Variants in UXS1 observed in about 807,000 individuals in gnomAD.
UXS1 encodes UDP-glucuronic acid decarboxylase 1.
UXS1 carries 33 observed loss-of-function variants against 62.6 expected under a neutral mutation model. The observed-to-expected ratio is 0.53, with a 90% confidence interval of 0.40 to 0.70. The LOEUF is 0.70. Among genes scored for constraint, UXS1 ranks in the 30% least tolerant of loss-of-function variants. The probability of loss-of-function intolerance (pLI) is 0.00; values close to 1 mark genes in which losing one functional copy is unlikely to be tolerated. For missense variants in UXS1, 434 were observed against 556.3 expected (o/e 0.78, Z 2.21); for synonymous variants, 213 against 206.8 (o/e 1.03, Z -0.26).
intron 11 of UXS1, among the ~76,000 whole-genome samples, chr2:106,103,610 A>G (rs947997776): frequency 5.3e-5 from 8 of 152,236 alleles, no homozygotes; most frequent in African/African-American, 1.9e-4. Context: ...AAGCGGGGGC[A>G]GCTGCCATTT....
chr2:106,142,901 G>C (rs1681235226), intron 6 of UXS1, among the ~76,000 whole-genome samples: 1 of 145,262 alleles, frequency 6.9e-6, no homozygotes. Context: ...GTGTGGGTGT[G>C]TGGGTGTGTG....
chr2:106,155,799 A>C (rs1437766106), intron 5 of UXS1, among the ~76,000 whole-genome samples: 2 of 152,226 alleles, frequency 1.3e-5, no homozygotes, highest in East Asian at 3.9e-4. Flanking sequence ...GGGTGCCAGG[A>C]AAATTCAATG....
intron 1 of UXS1, among the ~76,000 whole-genome samples, chr2:106,193,713 CCA>C (rs1434220369): frequency 3.3e-5 from 5 of 152,228 alleles, no homozygotes; most frequent in African/African-American, 1.2e-4. Context: ...CTGCCAATGG[CCA>C]CAGTATTTTT....
intron 6 of UXS1, among the ~76,000 whole-genome samples, chr2:106,140,373 G>C (rs1681002339): frequency 6.6e-6 from 1 of 152,150 alleles, no homozygotes; most frequent in Non-Finnish European, 1.5e-5. Context: ...ATTTACATTT[G>C]CAATATAAAC....
chr2:106,106,156 G>A (rs1558680020), intron 10 of UXS1, among the ~76,000 whole-genome samples: 1 of 152,124 alleles, frequency 6.6e-6, no homozygotes, highest in Non-Finnish European at 1.5e-5. Context: ...CCGGAGGTCG[G>A]GAGTTCGACA....
At chr2:106,179,572 A>C (rs1183568249) in intron 1 of UXS1, 1 of 152,236 alleles carries the variant, frequency 6.6e-6, no homozygotes. Context: ...CTGACCTTCA[A>C]ATCCCAAGAC....
At chr2:106,193,022 A>G (rs1046660660) in intron 1 of UXS1, among the ~76,000 whole-genome samples, 1 of 152,108 alleles carries the variant, frequency 6.6e-6, no homozygotes, top group Non-Finnish European at 1.5e-5. Context: ...GCAAAACTAC[A>G]CACATCTAAC....
chr2:106,123,178 T>G (rs1358515595), intron 8 of UXS1, 87 bp from the exon 9 acceptor site: 7 of 1,569,548 alleles, frequency 4.5e-6, no homozygotes, highest in Non-Finnish European at 6.1e-6. Context: ...AAAAGGGAAC[T>G]TCGGAAAGAC....
At chr2:106,142,086 G>A (rs1208607187) in intron 6 of UXS1, among the ~76,000 whole-genome samples, 1 of 151,956 alleles carries the variant, frequency 6.6e-6, no homozygotes, top group Non-Finnish European at 1.5e-5. Flanking sequence ...TGCCCAGGCT[G>A]GACTGAAACT....
chr2:106,190,125 T>C (rs944222014), intron 1 of UXS1, among the ~76,000 whole-genome samples: 3 of 152,114 alleles, frequency 2.0e-5, no homozygotes, highest in African/African-American at 4.8e-5. Flanking sequence ...GGCAAAGAGT[T>C]TGGAGTTGGA....
chr2:106,141,076 A>G (rs1240647536), intron 6 of UXS1, among the ~76,000 whole-genome samples: 1 of 152,228 alleles, frequency 6.6e-6, no homozygotes, highest in Non-Finnish European at 1.5e-5. Context: ...TAAAGATCCA[A>G]CAACACAGGA....
intron 5 of UXS1, among the ~76,000 whole-genome samples, chr2:106,148,608 G>C (rs1681770366): frequency 6.6e-6 from 1 of 152,036 alleles, no homozygotes; most frequent in South Asian, 2.1e-4. Context: ...AAAATGCACT[G>C]GAATTTTTTT....
At position 106,113,253 on chromosome 2, in the gene UXS1, G is replaced by C. The variant is rs188928280; in HGVS notation, c.760-488C>G. Among the ~76,000 whole-genome samples the C allele has an allele frequency of 2.6e-5, 4 of 151,332 alleles. No individual in the cohort carries two copies. The East Asian group carries it at 7.8e-4, about 30-fold the overall frequency. ...CTCTATCTTAGGAAAAGGGGACACA[G>C]AAACGTTCTTACTGAGTGAGCTTGC... On this transcript the variant is annotated intron_variant, in intron 9 of 14. Coordinates refer to ENST00000283148, the MANE Select transcript of UXS1 (RefSeq NM_001253875.2).
intron 6 of UXS1, among the ~76,000 whole-genome samples, chr2:106,130,894 G>A (rs1004647891): frequency 5.3e-5 from 8 of 152,142 alleles, no homozygotes; most frequent in Admixed American, 5.2e-4. Flanking sequence ...CAAGTCTGGG[G>A]GGGAGGAGCC....
chr2:106,143,959 C>T (rs1415873518), intron 6 of UXS1, among the ~76,000 whole-genome samples: 4 of 152,204 alleles, frequency 2.6e-5, no homozygotes, highest in Non-Finnish European at 4.4e-5. Context: ...TGGGGGCACA[C>T]CCAGATAATC....
intron 5 of UXS1, among the ~76,000 whole-genome samples, chr2:106,149,058 CCT>C (rs2105010226): frequency 6.6e-6 from 1 of 152,288 alleles, no homozygotes; most frequent in South Asian, 2.1e-4. Context: ...AAGCAAGTCT[CCT>C]CTTTCTGTTG....
At chr2:106,160,513 G>C (rs139920671) in intron 4 of UXS1, 2 of 152,290 alleles carry the variant, frequency 1.3e-5, no homozygotes, top group African/African-American at 4.8e-5. Context: ...GCTACATATG[G>C]GAAAACGCGG....
chr2:106,126,209 G>A (rs1679933364), intron 7 of UXS1, among the ~76,000 whole-genome samples: 1 of 152,108 alleles, frequency 6.6e-6, no homozygotes, highest in African/African-American at 2.4e-5. Context: ...CCTCAATTCT[G>A]CTCTGAACCC....
intron 12 of UXS1, among the ~76,000 whole-genome samples, chr2:106,099,488 G>A (rs2104833999): frequency 6.6e-6 from 1 of 152,264 alleles, no homozygotes; most frequent in Non-Finnish European, 1.5e-5. Flanking sequence ...TAAATGTGGA[G>A]GGAGAGACCC....
Sources: allele counts gnomAD v4.1 joint callset (sites outside exome capture counted in the v4.1 genomes callset), GRCh38; gene constraint gnomAD v4.1.1; transcripts MANE v1.5; gene names NCBI Gene and HGNC (gene_info 2026-07-23, HGNC 2026-07-21).